Variants in FCRL4 observed in about 807,000 individuals in gnomAD.
FCRL4 encodes the protein Fc receptor-like protein 4.
FCRL4 carries 43 observed loss-of-function variants against 64.1 expected under a neutral mutation model. That is an observed-to-expected ratio of 0.67 (90% CI 0.53 to 0.87). FCRL4 has a LOEUF of 0.87. FCRL4 is among the 40% of genes least tolerant of loss of function. FCRL4 has a pLI of 0.00. For synonymous variants in FCRL4, 253 were observed against 239.8 expected (o/e 1.05, Z -0.51); for missense variants, 656 against 613.5 (o/e 1.07, Z -0.73).
chr1:157,579,531 A>G (rs118105809), intron 8 of FCRL4, among the ~76,000 whole-genome samples: 2 of 152,274 alleles, frequency 1.3e-5, no homozygotes, highest in East Asian at 3.9e-4. Context: ...AGCCCAGCCA[A>G]CATTGTGAAA....
At chr1:157,591,189 G>A (rs1652832660) in intron 2 of FCRL4, among the ~76,000 whole-genome samples, 1 of 152,216 alleles carries the variant, frequency 6.6e-6, no homozygotes, top group Admixed American at 6.5e-5. Context: ...CTGTTCAGGT[G>A]TGGTTACACC....
intron 7 of FCRL4, 25 bp downstream of exon 7, chr1:157,581,506 C>T (rs777371024): frequency 1.3e-6 from 2 of 1,598,504 alleles, no homozygotes; most frequent in Non-Finnish European, 8.6e-7. Context: ...AGGGCAGGAA[C>T]TGTGGCAAAG....
In FCRL4 at chr1:157,589,224, A is replaced by G; in HGVS notation, c.287T>C (p.Val96Ala). The G allele has an allele frequency of 1.9e-6, 3 of 1,613,978 alleles. No individual in the cohort carries two copies. Among genetic ancestry groups the G allele is most frequent in the Non-Finnish European group, 1.7e-6 (2 of 1,179,840 alleles). The change falls in exon 3 of 12, where the codon GTG becomes GCG. Residue 96 changes from valine (V) to alanine (A), a missense_variant. Transcript: ENST00000271532. ...QARGSPRSNP[V>A]RLLFSSDSLI... ...CTCACCTGAAGAAAAGAGCAAGCGC[A>G]CAGGGTTACTTCGTGGGGAGCCCCG...
At chr1:157,589,532 A>G in intron 2 of FCRL4, 74 bp from the exon 3 acceptor site, 1 of 1,555,816 alleles carries the variant, frequency 6.4e-7, no homozygotes, top group South Asian at 1.2e-5. Context: ...TGTGGGTTAC[A>G]GTGGAGGACA....
intron 2 of FCRL4, 21 bp from the exon 3 acceptor site, chr1:157,589,479 G>A: frequency 6.2e-7 from 1 of 1,609,688 alleles, no homozygotes; most frequent in Non-Finnish European, 8.5e-7. Flanking sequence ...AAGAGTAATA[G>A]GTCTGAGGTG....
intron 6 of FCRL4, among the ~76,000 whole-genome samples, chr1:157,585,531 G>A (rs1652672033): frequency 6.6e-6 from 1 of 151,860 alleles, no homozygotes; most frequent in African/African-American, 2.4e-5. Flanking sequence ...ACATAGCTTG[G>A]CCCAGTGTGG....
At chr1:157,593,000 A>G (rs1426450348) in intron 2 of FCRL4, among the ~76,000 whole-genome samples, 14 of 152,070 alleles carry the variant, frequency 9.2e-5, no homozygotes, top group Non-Finnish European at 2.1e-4. Context: ...AAAACCAAAC[A>G]CCGCATGTTC....
At chr1:157,586,673 G>T (rs1652705620) in intron 5 of FCRL4, among the ~76,000 whole-genome samples, 1 of 152,154 alleles carries the variant, frequency 6.6e-6, no homozygotes, top group Admixed American at 6.5e-5. Context: ...AAAGAAAAAA[G>T]GACTAACCCT....
chr1:157,578,142 G>A (rs896725081), intron 10 of FCRL4, among the ~76,000 whole-genome samples: 1 of 151,938 alleles, frequency 6.6e-6, no homozygotes, highest in Non-Finnish European at 1.5e-5. Context: ...TATATTCTCA[G>A]CACAATGCTT....
intron 6 of FCRL4, among the ~76,000 whole-genome samples, chr1:157,585,426 T>TC (rs1652670001): frequency 7.4e-6 from 1 of 134,848 alleles, no homozygotes; most frequent in Admixed American, 8.2e-5. Flanking sequence ...TTCTTTCCTT[T>TC]TTCAGAGAGA....
chr1:157,589,257 C>A lies in FCRL4; in HGVS notation c.254G>T (p.Cys85Phe), dbSNP rs1652778965. The part of the protein sequence containing the change: ...LEVRESGLYR[C>F]QARGSPRSNP... The stretch of plus-strand genomic sequence containing the variant: ...ACTTCGTGGGGAGCCCCGGGCCTGG[C>A]ATCTGTACAGTCCAGATTCCCGAAC... The change falls in exon 3 of 12, where the codon TGC becomes TTC. Residue 85 changes from cysteine (C) to phenylalanine (F), a missense_variant. Physicochemically the swap from Cys to Phe is radical, Grantham distance 205. Coordinates refer to ENST00000271532, the MANE Select transcript of FCRL4 (RefSeq NM_031282.3). 5 of 1,614,194 alleles carry A rather than the reference C, an allele frequency of 3.1e-6. No homozygotes were observed. Among genetic ancestry groups the A allele is most frequent in the Non-Finnish European group, 4.2e-6 (5 of 1,180,018 alleles).
Position 157,589,250 on chromosome 1 carries a change from G to A in FCRL4, c.261C>T (p.Ala87=). Residue 87 remains alanine, a synonymous_variant, in exon 3 of 12, where the codon GCC becomes GCT. Transcript: ENST00000271532. ...CAGGGTTACTTCGTGGGGAGCCCCG[G>A]GCCTGGCATCTGTACAGTCCAGATT... ...VRESGLYRCQ[A]RGSPRSNPVR... The A allele has an allele frequency of 6.2e-7, 1 of 1,614,142 alleles. No individual in the cohort carries two copies. Among genetic ancestry groups the A allele is most frequent in the Non-Finnish European group, 8.5e-7 (1 of 1,180,022 alleles).
chr1:157,586,076 C>G (rs1184637677), intron 6 of FCRL4, 92 bp downstream of exon 6: 4 of 1,286,114 alleles, frequency 3.1e-6, no homozygotes, highest in East Asian at 2.3e-5. Context: ...GAAACAGAAA[C>G]AGCAGAGTCA....
At chr1:157,597,842 C>A in intron 1 of FCRL4, 72 bp downstream of exon 1, 1 of 1,222,406 alleles carries the variant, frequency 8.2e-7, no homozygotes, top group South Asian at 1.3e-5. Context: ...ATTGCAGCAG[C>A]AGAAAAGAGG....
chr1:157,596,130 A>G (rs1453591310), intron 2 of FCRL4, among the ~76,000 whole-genome samples, 198 bp downstream of exon 2: 1 of 152,154 alleles, frequency 6.6e-6, no homozygotes, highest in African/African-American at 2.4e-5. Flanking sequence ...GCACAATGGC[A>G]GTTTTGGTTT....
At chr1:157,585,838 C>T (rs893209642) in intron 6 of FCRL4, among the ~76,000 whole-genome samples, 8 of 152,014 alleles carry the variant, frequency 5.3e-5, no homozygotes, top group Non-Finnish European at 1.0e-4. Context: ...TAGGATGACA[C>T]GGTAGGGTGA....
intron 10 of FCRL4, among the ~76,000 whole-genome samples, chr1:157,576,689 C>A (rs1246809928): frequency 1.3e-5 from 2 of 152,090 alleles, no homozygotes; most frequent in Non-Finnish European, 2.9e-5. Flanking sequence ...CTCAATCAAC[C>A]CAAGAAAGGT....
At chr1:157,580,401 A>G in intron 7 of FCRL4, 53 bp from the exon 8 acceptor site, 1 of 1,589,252 alleles carries the variant, frequency 6.3e-7, no homozygotes, top group East Asian at 2.2e-5. Flanking sequence ...CTCTTTCTCA[A>G]TGACTTCATG....
intron 8 of FCRL4, among the ~76,000 whole-genome samples, chr1:157,579,764 T>A (rs941436742): frequency 1.3e-5 from 2 of 150,170 alleles, no homozygotes; most frequent in African/African-American, 4.8e-5. Context: ...TGTCTTTACA[T>A]TGTAATGTCT....
Sources: allele counts gnomAD v4.1 joint callset (sites outside exome capture counted in the v4.1 genomes callset), GRCh38; gene constraint gnomAD v4.1.1; transcripts MANE v1.5; gene names NCBI Gene and HGNC (gene_info 2026-07-23, HGNC 2026-07-21).